GMDS: variants seen among roughly 807,000 people sequenced by gnomAD.
The protein encoded by GMDS is GDP-mannose 4,6 dehydratase.
Under a neutral mutation model 49.9 loss-of-function variants are expected in GMDS, and 20 were observed. The observed-to-expected ratio is 0.40, with a 90% confidence interval of 0.28 to 0.58. GMDS has a LOEUF of 0.58. Among genes scored for constraint, GMDS ranks in the 20% least tolerant of loss-of-function variants. GMDS has a pLI of 0.42. For missense variants in GMDS, 362 were observed against 481.4 expected (o/e 0.75, Z 2.32); for synonymous variants, 177 against 178.6 (o/e 0.99, Z 0.07).
rs77646742 is a variant in GMDS, at chr6:1,856,500, C to G, written c.771+73603G>C. Reference sequence around the variant, plus strand: ...AGCTCTTCAGATGGCTGAGAGCTAACGTATTTGCCCAATTTGCATTTTAAT... The same window carrying G: ...AGCTCTTCAGATGGCTGAGAGCTAAGGTATTTGCCCAATTTGCATTTTAAT... On this transcript the variant is annotated intron_variant, in intron 7 of 10. Coordinates refer to ENST00000380815, the MANE Select transcript of GMDS (RefSeq NM_001500.4). Among the ~76,000 whole-genome samples, 519 of 152,332 alleles carry G rather than the reference C, an allele frequency of 3.4e-3. 2 individuals carry two copies. The highest frequency in any genetic ancestry group is 5.3e-3 in the Non-Finnish European group (363 of 68,028).
At chr6:2,209,067 G>A (rs1415534852) in intron 1 of GMDS, among the ~76,000 whole-genome samples, 1 of 152,066 alleles carries the variant, frequency 6.6e-6, no homozygotes. Context: ...ATGGTTAAGT[G>A]TTCAGCAGGG....
intron 6 of GMDS, among the ~76,000 whole-genome samples, chr6:1,941,102 T>C (rs1194106671): frequency 2.0e-5 from 3 of 152,108 alleles, no homozygotes; most frequent in Non-Finnish European, 4.4e-5. Flanking sequence ...TAAGTACCTC[T>C]ATTCATTCGA....
At chr6:1,854,505 G>A (rs906249091) in intron 7 of GMDS, among the ~76,000 whole-genome samples, 5 of 152,200 alleles carry the variant, frequency 3.3e-5, no homozygotes, top group African/African-American at 1.2e-4. Context: ...TATCACCCAA[G>A]CTATATGTGG....
intron 2 of GMDS, among the ~76,000 whole-genome samples, chr6:2,120,774 G>A (rs541921031): frequency 3.9e-5 from 6 of 152,204 alleles, no homozygotes; most frequent in East Asian, 3.9e-4. Context: ...TCAATCCTCC[G>A]TTTTCCCTTA....
intron 7 of GMDS, among the ~76,000 whole-genome samples, chr6:1,789,621 G>A (rs956378973): frequency 6.8e-6 from 1 of 146,578 alleles, no homozygotes; most frequent in Non-Finnish European, 1.5e-5. Context: ...CTGCAGTCTC[G>A]ACCTCCCAGG....
intron 1 of GMDS, among the ~76,000 whole-genome samples, chr6:2,173,812 T>G (rs2127556532): frequency 6.6e-6 from 1 of 152,242 alleles, no homozygotes; most frequent in South Asian, 2.1e-4. Flanking sequence ...ACCCACTGAG[T>G]CTTACGCTAG....
In GMDS at chr6:1,861,433, ATT is replaced by A. The variant is rs561220385; in HGVS notation, c.771+68668_771+68669del. ...GCAGCTGGGGATGGTGAGGGGTTTA[ATT>A]TTACCACACAGCCTGGGTTAGGCAT... On this transcript the variant is annotated intron_variant, in intron 7 of 10. Coordinates refer to ENST00000380815, the MANE Select transcript of GMDS (RefSeq NM_001500.4). 3.1e-3 allele frequency among the ~76,000 whole-genome samples: 465 copies of A among 152,184 alleles called. 3 individuals are homozygous for A. Among genetic ancestry groups the A allele is most frequent in the African/African-American group, 0.011 (448 of 41,516 alleles).
chr6:2,113,669 C>T (rs1336269956), intron 4 of GMDS, among the ~76,000 whole-genome samples: 1 of 152,118 alleles, frequency 6.6e-6, no homozygotes, highest in African/African-American at 2.4e-5. Context: ...CATCTACCCC[C>T]AGACGGAAGT....
At chr6:2,181,947 G>A (rs1778560007) in intron 1 of GMDS, among the ~76,000 whole-genome samples, 3 of 152,238 alleles carry the variant, frequency 2.0e-5, no homozygotes, top group Non-Finnish European at 2.9e-5. Context: ...CATGTCCAAA[G>A]TCAAGACCGG....
At chr6:2,064,418 T>C (rs917887681) in intron 4 of GMDS, among the ~76,000 whole-genome samples, 13 of 152,142 alleles carry the variant, frequency 8.5e-5, no homozygotes, top group Non-Finnish European at 1.3e-4. Context: ...AAAAAGTATA[T>C]TCTGACCAAT....
chr6:1,848,863 T>C (rs1757532309), intron 7 of GMDS, among the ~76,000 whole-genome samples: 1 of 152,200 alleles, frequency 6.6e-6, no homozygotes, highest in African/African-American at 2.4e-5. Context: ...GAGCATACAC[T>C]GTCTCTTCTA....
chr6:1,697,215 C>T (rs913892509), intron 9 of GMDS, among the ~76,000 whole-genome samples: 6 of 152,188 alleles, frequency 3.9e-5, no homozygotes, highest in Admixed American at 3.3e-4. Flanking sequence ...AGTGCGTTGA[C>T]GGCAGGTGTC....
At chr6:1,649,209 G>A (rs1561698210) in intron 9 of GMDS, among the ~76,000 whole-genome samples, 1 of 152,156 alleles carries the variant, frequency 6.6e-6, no homozygotes, top group African/African-American at 2.4e-5. Context: ...TGTACTGTCA[G>A]GAAGTAAGCT....
intron 4 of GMDS, among the ~76,000 whole-genome samples, chr6:2,049,295 G>T (rs1425982631): frequency 6.6e-6 from 1 of 152,184 alleles, no homozygotes; most frequent in Non-Finnish European, 1.5e-5. Context: ...AAATATGAGA[G>T]ATTTCTTCCT....
At chr6:1,980,145 G>A (rs1056897502) in intron 4 of GMDS, among the ~76,000 whole-genome samples, 1 of 152,102 alleles carries the variant, frequency 6.6e-6, no homozygotes, top group Non-Finnish European at 1.5e-5. Flanking sequence ...AAACAAGTCT[G>A]CACAATAACC....
chr6:2,069,264 A>G (rs1035387946), intron 4 of GMDS, among the ~76,000 whole-genome samples: 1 of 152,218 alleles, frequency 6.6e-6, no homozygotes, highest in Non-Finnish European at 1.5e-5. Context: ...ACAAAAATCA[A>G]TTCAAGATGG....
intron 7 of GMDS, among the ~76,000 whole-genome samples, chr6:1,911,527 T>G (rs1761054319): frequency 6.6e-6 from 1 of 151,880 alleles, no homozygotes; most frequent in Non-Finnish European, 1.5e-5. Flanking sequence ...ATATTTTAAT[T>G]TCCTTGTGCC....
intron 7 of GMDS, among the ~76,000 whole-genome samples, chr6:1,802,538 T>C (rs1581198635): frequency 6.6e-6 from 1 of 152,216 alleles, no homozygotes; most frequent in South Asian, 2.1e-4. Context: ...GGAAATAGAA[T>C]ACCAAAGGCC....
At chr6:2,145,330 T>C (rs1776497685) in intron 1 of GMDS, among the ~76,000 whole-genome samples, 1 of 151,196 alleles carries the variant, frequency 6.6e-6, no homozygotes, top group African/African-American at 2.4e-5. Context: ...AGGTCAGGAG[T>C]TCGAGACCAT....
Sources: allele counts gnomAD v4.1 joint callset (sites outside exome capture counted in the v4.1 genomes callset), GRCh38; gene constraint gnomAD v4.1.1; transcripts MANE v1.5; gene names NCBI Gene and HGNC (gene_info 2026-07-23, HGNC 2026-07-21).